Variants in CNIH3 observed in about 807,000 individuals in gnomAD.
CNIH3 encodes the protein protein cornichon homolog 3.
Under a neutral mutation model 24.1 loss-of-function variants are expected in CNIH3, and 14 were observed. That is an observed-to-expected ratio of 0.58 (90% confidence interval 0.38 to 0.91). The LOEUF (loss-of-function observed/expected upper bound fraction) is 0.91, where lower values mean the gene tolerates loss of function less well. Ranked by LOEUF, CNIH3 falls within the 40% of genes least tolerant of loss-of-function variation. CNIH3 has a pLI of 0.00. For missense variants in CNIH3, 178 were observed against 196.8 expected (o/e 0.90, Z 0.57); for synonymous variants, 68 against 73.8 (o/e 0.92, Z 0.40).
chr1:224,513,654 G>A (rs1234189248), upstream of CNIH3: 1 of 152,184 alleles, frequency 6.6e-6, no homozygotes, highest in African/African-American at 2.4e-5. Flanking sequence ...ATTTTCCCCC[G>A]GGTTCTGCTG....
chr1:224,533,994 G>A (rs190913603), intron 2 of CNIH3, among the ~76,000 whole-genome samples: 45 of 152,232 alleles, frequency 3.0e-4, no homozygotes, highest in African/African-American at 9.9e-4. Context: ...GTGAAACCCC[G>A]TCTTTACACA....
chr1:224,594,057 A>C (rs1681873541), intron 3 of CNIH3, among the ~76,000 whole-genome samples: 1 of 152,254 alleles, frequency 6.6e-6, no homozygotes, highest in African/African-American at 2.4e-5. Context: ...AAGTTGAAAA[A>C]GTTCTGGAGA....
In CNIH3 at chr1:224,553,922, G is replaced by A. The variant is rs558353577; in HGVS notation, n.450+6983G>A. Among the ~76,000 whole-genome samples the A allele has an allele frequency of 1.9e-4, 28 of 151,234 alleles. No homozygotes were observed. The South Asian group carries it at 2.1e-3, about 11-fold the overall frequency. On this transcript the variant is annotated intron_variant and non_coding_transcript_variant, in intron 3 of 5. Transcript: ENST00000471578. Reference sequence around the variant, plus strand: ...CAGCGAATTTGCACTCAAATACTTCGTACCTCTGTAGAACAAATCCATCTG... The same window carrying A: ...CAGCGAATTTGCACTCAAATACTTCATACCTCTGTAGAACAAATCCATCTG...
chr1:224,615,716 C>T (rs1344640219), upstream of CNIH3: 5 of 152,176 alleles, frequency 3.3e-5, no homozygotes, highest in African/African-American at 1.2e-4. Flanking sequence ...TCCACGTTTC[C>T]CTAGTCCCAA....
chr1:224,591,893 TAA>T (rs1316066770), downstream of CNIH3, among the ~76,000 whole-genome samples: 1 of 152,212 alleles, frequency 6.6e-6, no homozygotes, highest in Non-Finnish European at 1.5e-5. Flanking sequence ...GTGTGAGAAT[TAA>T]AAAAGAGTGC....
chr1:224,467,199 C>T (rs1055532321), intron 1 of CNIH3, among the ~76,000 whole-genome samples: 42 of 152,126 alleles, frequency 2.8e-4, no homozygotes, highest in African/African-American at 8.0e-4. Flanking sequence ...CTAATTTTTT[C>T]TGTTTTTTGT....
At chr1:224,572,814 T>C (rs539835166) in intron 4 of CNIH3, among the ~76,000 whole-genome samples, 4 of 152,290 alleles carry the variant, frequency 2.6e-5, no homozygotes, top group Admixed American at 1.3e-4. Flanking sequence ...TAGTTTTCAG[T>C]GTGCAAGTCT....
intron 2 of CNIH3, among the ~76,000 whole-genome samples, chr1:224,534,372 A>G (rs1295627535): frequency 6.6e-6 from 1 of 152,208 alleles, no homozygotes; most frequent in African/African-American, 2.4e-5. Context: ...CAGGATGGTA[A>G]AACTTGTTCA....
At chr1:224,709,444 G>A (rs1040544147) in intron 3 of CNIH3, among the ~76,000 whole-genome samples, 10 of 152,172 alleles carry the variant, frequency 6.6e-5, no homozygotes, top group Admixed American at 3.3e-4. Context: ...GATGAGAGCC[G>A]AAGAACCATG....
intron 1 of CNIH3, among the ~76,000 whole-genome samples, chr1:224,627,154 A>G (rs116441235): frequency 7.3e-4 from 111 of 152,292 alleles, no homozygotes; most frequent in African/African-American, 2.6e-3. Context: ...CAGACTGACC[A>G]TGAAAGCAGA....
At chr1:224,455,466 C>T (rs187928062) in intron 1 of CNIH3, among the ~76,000 whole-genome samples, 270 of 152,216 alleles carry the variant, frequency 1.8e-3, no homozygotes, top group Middle Eastern at 3.4e-3. Context: ...GATAGGAAGA[C>T]TTTGGAGAGG....
At chr1:224,568,731 G>A (rs764154849) in intron 4 of CNIH3, among the ~76,000 whole-genome samples, 18 of 152,166 alleles carry the variant, frequency 1.2e-4, no homozygotes, top group Non-Finnish European at 2.2e-4. Flanking sequence ...TCCAGCCTGG[G>A]TGACAGAGCA....
At chr1:224,524,177 C>A (rs1479428698) in intron 2 of CNIH3, among the ~76,000 whole-genome samples, 1 of 152,180 alleles carries the variant, frequency 6.6e-6, no homozygotes, top group Non-Finnish European at 1.5e-5. Flanking sequence ...TCCCAGGGTC[C>A]CACCTCAGAT....
At chr1:224,512,630 AG>A (rs764162500), upstream of CNIH3, among the ~76,000 whole-genome samples, 16 of 152,234 alleles carry the variant, frequency 1.1e-4, no homozygotes, top group Non-Finnish European at 1.9e-4. Context: ...ACATACCATG[AG>A]GTATATGTGG....
chr1:224,643,104 G>A (rs1428577886), intron 1 of CNIH3, among the ~76,000 whole-genome samples: 2 of 152,218 alleles, frequency 1.3e-5, no homozygotes, highest in African/African-American at 4.8e-5. Flanking sequence ...CGAGGCGTGT[G>A]TTTGGAGTGT....
chr1:224,505,282 A>G (rs1000306469), intron 1 of CNIH3, among the ~76,000 whole-genome samples: 2 of 148,280 alleles, frequency 1.3e-5, no homozygotes, highest in East Asian at 4.0e-4. Context: ...CGGGGTGACA[A>G]AGCAAGACCT....
At chr1:224,681,616 C>T (rs1686409423) in intron 2 of CNIH3, among the ~76,000 whole-genome samples, 1 of 152,192 alleles carries the variant, frequency 6.6e-6, no homozygotes, top group Non-Finnish European at 1.5e-5. Context: ...TGGCATCTTC[C>T]TGCTTGTCTG....
intron 1 of CNIH3, among the ~76,000 whole-genome samples, chr1:224,490,888 A>G (rs544354467): frequency 5.3e-4 from 81 of 152,360 alleles, no homozygotes; most frequent in African/African-American, 1.9e-3. Flanking sequence ...AAAAAGAGAA[A>G]TGACATACAG....
chr1:224,617,965 G>C (rs1379242988), intron 1 of CNIH3, among the ~76,000 whole-genome samples: 1 of 152,192 alleles, frequency 6.6e-6, no homozygotes, highest in Non-Finnish European at 1.5e-5. Flanking sequence ...CCCTGCAGGT[G>C]GCGAACCTCC....
Sources: allele counts gnomAD v4.1 joint callset (sites outside exome capture counted in the v4.1 genomes callset), GRCh38; gene constraint gnomAD v4.1.1; transcripts MANE v1.5; gene names NCBI Gene and HGNC (gene_info 2026-07-23, HGNC 2026-07-21).